Variants in DLGAP1 observed in about 807,000 individuals in gnomAD.
DLGAP1 encodes DLG associated protein 1.
DLGAP1 carries 11 observed loss-of-function variants against 90.8 expected under a neutral mutation model. That is an observed-to-expected ratio of 0.12 (90% CI 0.08 to 0.20). The LOEUF is 0.20. Among genes scored for constraint, DLGAP1 ranks in the 10% least tolerant of loss-of-function variants. The pLI is 1.00. For synonymous variants in DLGAP1, 558 were observed against 540.7 expected (o/e 1.03, Z -0.44); for missense variants, 1,050 against 1,333.8 (o/e 0.79, Z 3.31).
At chr18:4,227,910 A>C (rs1245265194) in intron 1 of DLGAP1, among the ~76,000 whole-genome samples, 3 of 151,862 alleles carry the variant, frequency 2.0e-5, no homozygotes, top group Non-Finnish European at 4.4e-5. Context: ...GACTAAAATG[A>C]AAAGTTTGTT....
chr18:4,124,102 T>C (rs902852684), intron 2 of DLGAP1, among the ~76,000 whole-genome samples: 2 of 152,254 alleles, frequency 1.3e-5, no homozygotes, highest in East Asian at 3.8e-4. Flanking sequence ...TTGGTTGTTT[T>C]CTTCACAACT....
intron 1 of DLGAP1, among the ~76,000 whole-genome samples, chr18:4,203,040 CA>C (rs2077638011): frequency 6.6e-6 from 1 of 152,016 alleles, no homozygotes; most frequent in African/African-American, 2.4e-5. Flanking sequence ...CTTTGGGAGG[CA>C]GAGGTGGGCA....
chr18:4,017,645 G>C (rs1471591176), intron 2 of DLGAP1, among the ~76,000 whole-genome samples: 1 of 152,162 alleles, frequency 6.6e-6, no homozygotes, highest in Non-Finnish European at 1.5e-5. Flanking sequence ...ATCTTGCAAG[G>C]GCCCTCCAGG....
intron 2 of DLGAP1, among the ~76,000 whole-genome samples, chr18:4,087,838 G>A (rs1034946216): frequency 6.7e-6 from 1 of 148,974 alleles, no homozygotes; most frequent in Admixed American, 6.7e-5. Flanking sequence ...GGTTTCATGT[G>A]AACTGTGTAG....
intron 3 of DLGAP1, among the ~76,000 whole-genome samples, chr18:3,933,297 T>C (rs1243068530): frequency 6.6e-6 from 1 of 152,176 alleles, no homozygotes; most frequent in Non-Finnish European, 1.5e-5. Context: ...TGGATGTGAA[T>C]AAAATGATCA....
At chr18:3,977,239 T>A (rs962831214) in intron 3 of DLGAP1, among the ~76,000 whole-genome samples, 3 of 151,976 alleles carry the variant, frequency 2.0e-5, no homozygotes, top group African/African-American at 7.2e-5. Context: ...TCCCAGCTAA[T>A]TTTTGTATTT....
chr18:4,153,914 TAGCTTTGTCC>T (rs1468352342), intron 1 of DLGAP1, among the ~76,000 whole-genome samples: 5 of 152,178 alleles, frequency 3.3e-5, no homozygotes, highest in African/African-American at 1.2e-4. Flanking sequence ...TGTGAGACTA[TAGCTTTGTCC>T]AGGTTAAAGA....
At chr18:3,515,249 TCACG>T (rs2050763325) in intron 10 of DLGAP1, among the ~76,000 whole-genome samples, 2 of 151,240 alleles carry the variant, frequency 1.3e-5, no homozygotes, top group Non-Finnish European at 2.9e-5. Context: ...GGTGGGTGGA[TCACG>T]AGGTCAGGAG....
intron 7 of DLGAP1, among the ~76,000 whole-genome samples, chr18:3,641,586 T>TACACACACACAC (rs61136246): frequency 1.0e-4 from 14 of 135,492 alleles, no homozygotes; most frequent in East Asian, 2.1e-4. Flanking sequence ...CATATATATA[T>TACACACACACAC]ACACACACAC....
intron 9 of DLGAP1, among the ~76,000 whole-genome samples, chr18:3,539,894 C>A (rs1382743948): frequency 6.6e-6 from 1 of 152,214 alleles, no homozygotes; most frequent in Non-Finnish European, 1.5e-5. Flanking sequence ...CTCTCATTCA[C>A]ATAATGGCTG....
At chr18:3,876,213 G>C (rs944816393) in intron 4 of DLGAP1, among the ~76,000 whole-genome samples, 1 of 133,142 alleles carries the variant, frequency 7.5e-6, no homozygotes, top group African/African-American at 3.0e-5. Flanking sequence ...AGCAAGAAGG[G>C]AGCCAGAAGC....
chr18:3,926,975 T>C (rs1428481055), intron 3 of DLGAP1, among the ~76,000 whole-genome samples: 2 of 152,088 alleles, frequency 1.3e-5, no homozygotes, highest in Non-Finnish European at 2.9e-5. Context: ...TTGAAGGTGC[T>C]CCCTGTCACC....
chr18:3,922,068 C>A (rs1374528779), intron 3 of DLGAP1, among the ~76,000 whole-genome samples: 1 of 152,068 alleles, frequency 6.6e-6, no homozygotes, highest in East Asian at 1.9e-4. Flanking sequence ...ATTGGGAAGG[C>A]AGCAGGTTAA....
intron 4 of DLGAP1, among the ~76,000 whole-genome samples, chr18:3,826,089 C>A (rs113892650): frequency 6.6e-6 from 1 of 152,096 alleles, no homozygotes; most frequent in Non-Finnish European, 1.5e-5. Flanking sequence ...TACACACAGA[C>A]ATAAAGATGG....
Position 3,727,494 on chromosome 18 carries a change from T to A in DLGAP1, c.1591+1641A>T, listed in dbSNP as rs2062227595. ...ACCCCTTGTGACTTCTGGGCCAGGA[T>A]CTGCATTTTACATATTTAAGGAGCG... On this transcript the variant is annotated intron_variant, in intron 7 of 12. Coordinates refer to ENST00000315677, the MANE Select transcript of DLGAP1 (RefSeq NM_004746.4). The surrounding 1 kb of genome is among the most constrained non-coding windows in gnomAD (Gnocchi z 4.7). Among the ~76,000 whole-genome samples the A allele has an allele frequency of 1.3e-5, 2 of 152,152 alleles. No homozygotes were observed. Among genetic ancestry groups the A allele is most frequent in the South Asian group, 4.1e-4 (2 of 4,834 alleles).
At chr18:4,100,284 C>T (rs1382998931) in intron 2 of DLGAP1, among the ~76,000 whole-genome samples, 1 of 152,162 alleles carries the variant, frequency 6.6e-6, no homozygotes, top group Non-Finnish European at 1.5e-5. Context: ...CAATATTGAT[C>T]TCCCTGTATA....
At chr18:4,009,062 G>A (rs1234948499) in intron 2 of DLGAP1, among the ~76,000 whole-genome samples, 1 of 152,144 alleles carries the variant, frequency 6.6e-6, no homozygotes, top group Non-Finnish European at 1.5e-5. Flanking sequence ...CCGCCACCAT[G>A]CCCGGCTAAT....
chr18:3,689,674 T>G (rs66691815), intron 7 of DLGAP1, among the ~76,000 whole-genome samples: 39,550 of 152,026 alleles, frequency 0.26, 5,824 homozygotes, highest in East Asian at 0.45. Context: ...CCCACACAAA[T>G]ATAACTAGGC....
intron 7 of DLGAP1, among the ~76,000 whole-genome samples, chr18:3,592,380 T>C (rs2056297088): frequency 6.6e-6 from 1 of 152,170 alleles, no homozygotes; most frequent in African/African-American, 2.4e-5. Flanking sequence ...GCCAGACAAA[T>C]CAGCGGTCTG....
Sources: gnomAD v4.1 joint callset for allele counts (sites outside exome capture counted in the v4.1 genomes callset) on GRCh38, gnomAD v4.1.1 for gene constraint, Gnocchi (gnomAD v3.1) non-coding constraint, MANE v1.5 for transcripts, NCBI Gene and HGNC (gene_info 2026-07-23, HGNC 2026-07-21) for gene names.